The following INPP4B variants were observed in gnomAD, a reference collection of about 807,000 sequenced individuals.
The protein encoded by INPP4B is inositol polyphosphate 4-phosphatase type II.
INPP4B carries 55 observed loss-of-function variants against 122.5 expected under a neutral mutation model. That is an observed-to-expected ratio of 0.45 (90% confidence interval 0.36 to 0.56). The LOEUF (loss-of-function observed/expected upper bound fraction) is 0.56, where lower values mean the gene tolerates loss of function less well. INPP4B is among the 20% of genes least tolerant of loss of function. The probability of loss-of-function intolerance (pLI) is 0.00; values close to 1 mark genes in which losing one functional copy is unlikely to be tolerated. For missense variants in INPP4B, 1,000 were observed against 1,097.7 expected (o/e 0.91, Z 1.26); for synonymous variants, 403 against 388.7 (o/e 1.04, Z -0.43).
chr4:142,150,185 C>G (rs1327428814), intron 17 of INPP4B, among the ~76,000 whole-genome samples: 3 of 152,216 alleles, frequency 2.0e-5, no homozygotes, highest in African/African-American at 7.2e-5. Flanking sequence ...CTAGGGCCTA[C>G]TCTTCTTTCT....
At chr4:142,574,313 A>T (rs1407693471) in intron 2 of INPP4B, among the ~76,000 whole-genome samples, 1 of 151,948 alleles carries the variant, frequency 6.6e-6, no homozygotes, top group Non-Finnish European at 1.5e-5. Flanking sequence ...CTGTTTCCTG[A>T]CCTAAAATCT....
chr4:142,241,791 A>AAAT (rs540518037), intron 11 of INPP4B, among the ~76,000 whole-genome samples: 41 of 152,282 alleles, frequency 2.7e-4, no homozygotes, highest in African/African-American at 9.9e-4. Context: ...GAAATTTTGG[A>AAAT]AATACAGATT....
intron 2 of INPP4B, among the ~76,000 whole-genome samples, chr4:142,618,032 C>T (rs963150958): frequency 3.3e-5 from 5 of 152,012 alleles, no homozygotes; most frequent in Non-Finnish European, 7.4e-5. Flanking sequence ...TTCAAATCAT[C>T]CTTTTTAAAG....
chr4:142,581,097 C>A (rs1734956671), intron 2 of INPP4B, among the ~76,000 whole-genome samples: 1 of 151,750 alleles, frequency 6.6e-6, no homozygotes, highest in South Asian at 2.1e-4. Context: ...CATCTTTTGT[C>A]ATTATTTGGG....
At position 142,122,230 on chromosome 4, in the gene INPP4B, A is replaced by T. The variant is rs1796846123; in HGVS notation, c.2033T>A (p.Met678Lys). Residue 678 changes from methionine (M) to lysine (K), a missense_variant, in exon 21 of 26, where the codon ATG becomes AAG. Transcript: ENST00000262992. ...AATGCCAACGGCCATGTCCTCTAGC[A>T]TTCCAATTTCATCGCCTAAACAATA... ...LLSTYSDEIG[M>K]LEDMAVGISD... The T allele has an allele frequency of 6.2e-7, 1 of 1,610,322 alleles. No homozygotes were observed. Among genetic ancestry groups the T allele is most frequent in the Non-Finnish European group, 8.5e-7 (1 of 1,178,374 alleles).
intron 2 of INPP4B, among the ~76,000 whole-genome samples, chr4:142,685,312 G>C (rs1652027646): frequency 9.0e-6 from 1 of 110,890 alleles, no homozygotes; most frequent in African/African-American, 2.5e-5. Flanking sequence ...ACTGAAGAGA[G>C]GAGAAAAAAA....
rs541782394 is a variant in INPP4B at position 142,358,600 on chromosome 4, A to G, written c.373-43838T>C. 2.0e-5 allele frequency among the ~76,000 whole-genome samples: 3 copies of G among 150,586 alleles called. No homozygotes were observed. The South Asian group carries it at 6.5e-4, about 32-fold the overall frequency. On this transcript the variant is annotated intron_variant, in intron 7 of 25. Coordinates refer to ENST00000262992, the MANE Select transcript of INPP4B (RefSeq NM_001101669.3). ...CTGCTACGCCTAGGCTATACCCCGGAATGATTAAATTAGAATATCTGACAG... is the reference window on the plus strand; with the variant it reads ...CTGCTACGCCTAGGCTATACCCCGGGATGATTAAATTAGAATATCTGACAG...
chr4:142,511,337 G>A (rs980915219), intron 2 of INPP4B, among the ~76,000 whole-genome samples: 1 of 152,072 alleles, frequency 6.6e-6, no homozygotes, highest in African/African-American at 2.4e-5. Context: ...GAGCAGCATA[G>A]CTACAGAAGC....
chr4:142,471,882 C>T (rs1316498040), intron 2 of INPP4B, among the ~76,000 whole-genome samples: 1 of 152,052 alleles, frequency 6.6e-6, no homozygotes, highest in Non-Finnish European at 1.5e-5. Flanking sequence ...CACACACACA[C>T]ACACACGTAT....
chr4:142,647,251 G>T (rs777971524), intron 2 of INPP4B, among the ~76,000 whole-genome samples: 43 of 152,146 alleles, frequency 2.8e-4, no homozygotes, highest in Non-Finnish European at 2.8e-4. Context: ...GGGTAGAGCA[G>T]GGCCTACTGG....
chr4:142,753,327 G>T (rs1051537286), intron 1 of INPP4B, among the ~76,000 whole-genome samples: 1 of 151,932 alleles, frequency 6.6e-6, no homozygotes, highest in Non-Finnish European at 1.5e-5. Flanking sequence ...TCTCATTCTC[G>T]TTATCACACA....
At chr4:142,623,609 G>T (rs528520512) in intron 2 of INPP4B, among the ~76,000 whole-genome samples, 52 of 151,534 alleles carry the variant, frequency 3.4e-4, no homozygotes, top group Non-Finnish European at 6.8e-4. Flanking sequence ...GGGTACATGC[G>T]CACAATGTGC....
intron 2 of INPP4B, among the ~76,000 whole-genome samples, chr4:142,463,882 A>C (rs2149609792): frequency 6.6e-6 from 1 of 152,328 alleles, no homozygotes. Flanking sequence ...GAGTCAATTA[A>C]ACCTCTTTCC....
intron 18 of INPP4B, among the ~76,000 whole-genome samples, chr4:142,132,936 A>G (rs1002677221): frequency 5.3e-5 from 8 of 152,028 alleles, no homozygotes; most frequent in African/African-American, 1.9e-4. Context: ...AACCCACTCT[A>G]CTTAATTCCT....
At chr4:142,550,902 A>G (rs1368281627) in intron 2 of INPP4B, among the ~76,000 whole-genome samples, 1 of 152,152 alleles carries the variant, frequency 6.6e-6, no homozygotes, top group East Asian at 1.9e-4. Flanking sequence ...AAATGACAAA[A>G]ATACTACTTA....
chr4:142,774,814 T>TTAA (rs538998088), intron 1 of INPP4B, among the ~76,000 whole-genome samples: 7 of 152,096 alleles, frequency 4.6e-5, no homozygotes, highest in Non-Finnish European at 7.3e-5. Flanking sequence ...TCTCTTATTA[T>TTAA]TAACCTCTTA....
intron 2 of INPP4B, among the ~76,000 whole-genome samples, chr4:142,492,041 A>T (rs1372424249): frequency 1.3e-5 from 2 of 152,138 alleles, no homozygotes; most frequent in Non-Finnish European, 2.9e-5. Context: ...TCATGGGAGC[A>T]GTTAATCCCA....
chr4:142,098,711 G>A (rs1352656551), intron 23 of INPP4B, among the ~76,000 whole-genome samples: 2 of 152,106 alleles, frequency 1.3e-5, no homozygotes, highest in South Asian at 2.1e-4. Context: ...TAATATAAAC[G>A]TAGATGGGGA....
chr4:142,531,423 A>C lies in INPP4B; in HGVS notation c.-190-68697T>G, dbSNP rs75428257. 2.1e-3 allele frequency among the ~76,000 whole-genome samples: 318 copies of C among 152,244 alleles called. 3 individuals are homozygous for C. The highest frequency in any genetic ancestry group is 7.3e-3 in the African/African-American group (303 of 41,550). On this transcript the variant is annotated intron_variant, in intron 2 of 25. Coordinates refer to ENST00000262992, the MANE Select transcript of INPP4B (RefSeq NM_001101669.3). ...GTGATTTAGGGAAGTGTTAGATATC[A>C]GTCAGTAGAATAATGAATCATATGT...
Sources: allele counts gnomAD v4.1 joint callset (sites outside exome capture counted in the v4.1 genomes callset), GRCh38; gene constraint gnomAD v4.1.1; transcripts MANE v1.5; gene names NCBI Gene and HGNC (gene_info 2026-07-23, HGNC 2026-07-21).